The following DIAPH2 variants were observed in gnomAD, a reference collection of about 807,000 sequenced individuals.
The protein encoded by DIAPH2 is protein diaphanous homolog 2.
In DIAPH2, 35 loss-of-function variants were observed where a neutral mutation model predicts 92.7. The observed-to-expected ratio is 0.38, with a 90% CI of 0.29 to 0.50. The LOEUF is 0.50. Ranked by LOEUF, DIAPH2 falls within the 20% of genes least tolerant of loss-of-function variation. The pLI is 0.94. For synonymous variants in DIAPH2, 301 were observed against 280.4 expected (o/e 1.07, Z -0.73); for missense variants, 701 against 819.5 (o/e 0.86, Z 1.77).
chrX:96,964,697 A>G (rs2065884154), intron 16 of DIAPH2, among the ~76,000 whole-genome samples: 1 of 111,625 alleles, frequency 9.0e-6, no homozygotes, highest in Admixed American at 9.5e-5. Flanking sequence ...TGTGTCAGCT[A>G]TCATTATGGT....
At chrX:96,890,573 C>T (rs1253768308) in intron 5 of DIAPH2, among the ~76,000 whole-genome samples, 1 of 111,316 alleles carries the variant, frequency 9.0e-6, no homozygotes, top group African/African-American at 3.3e-5. Context: ...AATTCTCCTC[C>T]CTACCACAGT....
chrX:97,123,042 CATT>C (rs2067068666), intron 21 of DIAPH2, among the ~76,000 whole-genome samples: 1 of 112,046 alleles, frequency 8.9e-6, no homozygotes, highest in Non-Finnish European at 1.9e-5. Flanking sequence ...GTCTGTGCCT[CATT>C]ATATTACGTT....
At chrX:97,185,475 A>ATGTGTGTGTG (rs1569323396) in intron 22 of DIAPH2, among the ~76,000 whole-genome samples, 1 of 1,341 alleles carries the variant, frequency 7.5e-4, no homozygotes, top group Non-Finnish European at 1.3e-3. Flanking sequence ...ATATATACAC[A>ATGTGTGTGTG]TATATATATA....
In DIAPH2 at chrX:97,332,743, A is replaced by G. The variant is rs2069012670; in HGVS notation, c.2845-15373A>G. 2.7e-5 allele frequency among the ~76,000 whole-genome samples: 3 copies of G among 111,967 alleles called. No homozygotes were observed. The South Asian group carries it at 1.1e-3, about 42-fold the overall frequency. ...ACATATCAGAAGTACCTGGTACCATAAAAATTAAAATACACACACACTCAC... is the reference window on the plus strand; with the variant it reads ...ACATATCAGAAGTACCTGGTACCATGAAAATTAAAATACACACACACTCAC... On this transcript the variant is annotated intron_variant, in intron 23 of 26. Coordinates refer to ENST00000324765, the MANE Select transcript of DIAPH2 (RefSeq NM_006729.5).
chrX:96,962,408 T>TATATACAC (rs2065864104), intron 16 of DIAPH2, among the ~76,000 whole-genome samples: 1 of 53,229 alleles, frequency 1.9e-5, no homozygotes, highest in African/African-American at 8.3e-5. Flanking sequence ...TATATACACA[T>TATATACAC]ATATATATAC....
chrX:97,422,593 A>C (rs1158814630), intron 25 of DIAPH2, among the ~76,000 whole-genome samples: 1 of 111,962 alleles, frequency 8.9e-6, no homozygotes, highest in African/African-American at 3.2e-5. Flanking sequence ...CTTTAATTAT[A>C]CAATCTAGAA....
chrX:96,726,402 A>G (rs745956219), intron 1 of DIAPH2, among the ~76,000 whole-genome samples: 14 of 112,223 alleles, frequency 1.2e-4, no homozygotes, highest in African/African-American at 4.2e-4. Flanking sequence ...TGATATTGAT[A>G]GGTAATTAGG....
At chrX:97,596,504 G>GTATT (rs2147888834) in intron 26 of DIAPH2, among the ~76,000 whole-genome samples, 1 of 111,696 alleles carries the variant, frequency 9.0e-6, no homozygotes, top group African/African-American at 3.2e-5. Flanking sequence ...AACTATACTA[G>GTATT]TATTAGGAGA....
chrX:96,795,804 C>T (rs976931067), intron 4 of DIAPH2, among the ~76,000 whole-genome samples: 6 of 112,044 alleles, frequency 5.4e-5, no homozygotes, highest in Non-Finnish European at 9.4e-5. Context: ...TATCCTTTTA[C>T]ATTTAACCCA....
Position 96,869,557 on chromosome X carries a change from C to CACTACTACTACTACT in DIAPH2, c.448-11999_448-11985dup, listed in dbSNP as rs58876338. On this transcript the variant is annotated intron_variant, in intron 4 of 26. Coordinates refer to ENST00000324765, the MANE Select transcript of DIAPH2 (RefSeq NM_006729.5). ...ATCTCAAAAATACTGCTACTACTAC[C>CACTACTACTACTACT]ACTACTACTACTACTACTACTACTA... Among the ~76,000 whole-genome samples, 433 of 97,921 alleles carry CACTACTACTACTACT rather than the reference C, an allele frequency of 4.4e-3. 1 individual carries two copies. The highest frequency in any genetic ancestry group is 0.015 in the African/African-American group (393 of 26,025). The allele number at this position is 97,921 out of a possible 115,157, so 85.0% of individuals were successfully genotyped here.
At chrX:96,785,808 T>A (rs1476285807) in intron 4 of DIAPH2, among the ~76,000 whole-genome samples, 1 of 110,713 alleles carries the variant, frequency 9.0e-6, no homozygotes. Context: ...GGGATTAGCC[T>A]ACCCAGTGGG....
chrX:96,798,040 A>G (rs1375678897), intron 4 of DIAPH2, among the ~76,000 whole-genome samples: 2 of 112,572 alleles, frequency 1.8e-5, no homozygotes, highest in African/African-American at 6.4e-5. Flanking sequence ...GGCTCTCCAT[A>G]TCTGCGGGTT....
intron 4 of DIAPH2, among the ~76,000 whole-genome samples, chrX:96,782,985 C>T (rs993450272): frequency 5.4e-5 from 6 of 112,015 alleles, no homozygotes; most frequent in Non-Finnish European, 1.1e-4. Context: ...ATTCTGTTAA[C>T]GTCTCTTAAA....
At chrX:96,693,398 C>G (rs752337637) in intron 1 of DIAPH2, among the ~76,000 whole-genome samples, 17 of 112,235 alleles carry the variant, frequency 1.5e-4, no homozygotes, top group Non-Finnish European at 2.8e-4. Context: ...TTTATGTGCT[C>G]TGAAATCAAT....
At chrX:97,386,208 TTAAAA>T (rs765365610) in intron 25 of DIAPH2, among the ~76,000 whole-genome samples, 1 of 112,205 alleles carries the variant, frequency 8.9e-6, no homozygotes, top group African/African-American at 3.2e-5. Flanking sequence ...AAAAGCTGTG[TTAAAA>T]TAGAATAGTA....
At chrX:96,929,922 GA>G (rs1472203634) in intron 9 of DIAPH2, among the ~76,000 whole-genome samples, 2 of 110,617 alleles carry the variant, frequency 1.8e-5, no homozygotes, top group African/African-American at 6.5e-5. Context: ...ATAATTTATG[GA>G]ATACCTGGCA....
intron 20 of DIAPH2, among the ~76,000 whole-genome samples, chrX:97,102,100 G>A (rs773571848): frequency 8.9e-6 from 1 of 112,164 alleles, no homozygotes; most frequent in African/African-American, 3.2e-5. Context: ...AAGCTCCTTC[G>A]CATTCTCACT....
intron 22 of DIAPH2, among the ~76,000 whole-genome samples, chrX:97,216,109 T>A (rs1185847808): frequency 8.9e-6 from 1 of 111,894 alleles, no homozygotes; most frequent in Non-Finnish European, 1.9e-5. Flanking sequence ...GTATGGTGTT[T>A]CTTAGCTATA....
rs1319966995 is a variant in DIAPH2, at chrX:97,328,610, A to G, written c.2845-19506A>G. On this transcript the variant is annotated intron_variant, in intron 23 of 26. Transcript: ENST00000324765. ...TGATTTTTTAAGCTGAAATTCCTAAATCAGTAGTAAGTGTGCAAATATTTT... is the reference window on the plus strand; with the variant it reads ...TGATTTTTTAAGCTGAAATTCCTAAGTCAGTAGTAAGTGTGCAAATATTTT... 3.6e-5 allele frequency among the ~76,000 whole-genome samples: 4 copies of G among 111,506 alleles called. No individual in the cohort carries two copies. The Admixed American group carries it at 3.8e-4, about 11-fold the overall frequency.
Sources: allele counts gnomAD v4.1 joint callset (sites outside exome capture counted in the v4.1 genomes callset), GRCh38; gene constraint gnomAD v4.1.1; transcripts MANE v1.5; gene names NCBI Gene and HGNC (gene_info 2026-07-23, HGNC 2026-07-21).